Variants in RCC1L observed in about 807,000 individuals in gnomAD.
The protein encoded by RCC1L is RCC1-like G exchanging factor-like protein.
Under a neutral mutation model 58.6 loss-of-function variants are expected in RCC1L, and 46 were observed. The ratio of observed to expected loss-of-function variants is 0.79; its 90% CI spans 0.62 to 1.00. The LOEUF is 1.00. Among genes scored for constraint, RCC1L ranks in the 50% least tolerant of loss-of-function variants. The pLI, the probability that RCC1L is intolerant of heterozygous loss-of-function variation, is 0.00. For synonymous variants in RCC1L, 281 were observed against 262.9 expected (o/e 1.07, Z -0.67); for missense variants, 636 against 623.6 (o/e 1.02, Z -0.21).
At chr7:75,035,076 G>T (rs1805408231) in intron 10 of RCC1L, among the ~76,000 whole-genome samples, 1 of 151,880 alleles carries the variant, frequency 6.6e-6, no homozygotes, top group Admixed American at 6.5e-5. Context: ...TGTCACCCAG[G>T]CTGGAGTGCA....
chr7:75,073,451 A>T lies in RCC1L; in HGVS notation c.287T>A (p.Ile96Asn), dbSNP rs1563082228. 2 of 1,369,552 alleles carry T rather than the reference A, an allele frequency of 1.5e-6. No homozygotes were observed. Among genetic ancestry groups the T allele is most frequent in the Non-Finnish European group, 1.9e-6 (2 of 1,065,690 alleles). 84.8% of individuals were successfully genotyped at this position (1,369,552 alleles called of 1,614,324 possible). A position where few individuals can be genotyped will look rare whatever the true frequency, so the allele number is the denominator to read the frequency against. Residue 96 changes from isoleucine to asparagine, a missense_variant, in exon 1 of 11, where the codon ATC (isoleucine) becomes AAC (asparagine). By Grantham distance (149) the Ile-to-Asn change is moderately radical. Coordinates refer to ENST00000610322, the MANE Select transcript of RCC1L (RefSeq NM_030798.5). ...PRAGARPRRR[I>N]QPVPYRLELD... ...CTCCAGGCGATAGGGCACGGGCTGG[A>T]TCCTGCGGCGCGGTCGGGCGCCGGC...
At chr7:75,033,523 C>T (rs1805362475) in intron 10 of RCC1L, among the ~76,000 whole-genome samples, 2 of 151,850 alleles carry the variant, frequency 1.3e-5, no homozygotes, top group Admixed American at 6.6e-5. Flanking sequence ...GGTGAATCCC[C>T]GTCTCTACTA....
chr7:75,066,691 A>C lies in RCC1L; in HGVS notation c.556T>G (p.Ser186Ala), dbSNP rs782073863. The change falls in exon 3 of 11, where the codon TCT (serine) becomes GCT (alanine). Residue 186 changes from serine (S) to alanine (A), a missense_variant. Transcript: ENST00000610322. ...CCTTCCCTGTCAGTCAACACAAGAG[A>C]GTGAGCTCGGCCGCAGGAGACCTGC... ...VLQVSCGRAHSLVLTDREGVF... is the reference protein window; with the variant it reads ...VLQVSCGRAHALVLTDREGVF... 1.2e-6 allele frequency: 2 copies of C among 1,613,146 alleles called. No individual in the cohort carries two copies. Among genetic ancestry groups the C allele is most frequent in the Non-Finnish European group, 1.7e-6 (2 of 1,179,536 alleles).
At chr7:75,060,732 T>C in intron 6 of RCC1L, among the ~76,000 whole-genome samples, 1 of 151,826 alleles carries the variant, frequency 6.6e-6, no homozygotes, top group East Asian at 1.9e-4. Flanking sequence ...CACCCAGCCT[T>C]CTCTCAGTTC....
intron 1 of RCC1L, among the ~76,000 whole-genome samples, chr7:75,072,626 G>A (rs2115572122): frequency 6.6e-6 from 1 of 152,268 alleles, no homozygotes; most frequent in South Asian, 2.1e-4. Flanking sequence ...CTGACCCGAT[G>A]AGAAAACCGG....
At chr7:75,058,915 G>T in intron 6 of RCC1L, 146 bp from the exon 7 acceptor site, 1 of 921,778 alleles carries the variant, frequency 1.1e-6, no homozygotes, top group Non-Finnish European at 1.7e-6. Context: ...AGTGGCTCAC[G>T]CCTGTAATCC....
At chr7:75,036,195 C>A (rs1012758504) in intron 10 of RCC1L, among the ~76,000 whole-genome samples, 95 of 148,996 alleles carry the variant, frequency 6.4e-4, no homozygotes, top group African/African-American at 2.2e-3. Flanking sequence ...TGGCTCACTG[C>A]AACCTCTGCC....
chr7:75,032,813 T>G (rs1805340691), intron 10 of RCC1L, among the ~76,000 whole-genome samples: 1 of 152,158 alleles, frequency 6.6e-6, no homozygotes. Flanking sequence ...GGCTCACACC[T>G]GTAATCCCAG....
intron 2 of RCC1L, among the ~76,000 whole-genome samples, chr7:75,069,439 C>T (rs1178872370): frequency 6.7e-6 from 1 of 148,380 alleles, no homozygotes; most frequent in African/African-American, 2.5e-5. Flanking sequence ...CTCCAGGCCT[C>T]AAGCAATCCC....
intron 1 of RCC1L, among the ~76,000 whole-genome samples, chr7:75,072,286 C>T (rs1282330018): frequency 6.7e-6 from 1 of 148,470 alleles, no homozygotes; most frequent in Non-Finnish European, 1.5e-5. Context: ...CTTGGCCTCC[C>T]AAAGTGCTGA....
chr7:75,043,126 A>T lies in RCC1L; in HGVS notation c.1318-17T>A. ...CATCGTCACCTGAAAAATAAGATCC[A>T]GCATACCATGGGTGGGGGTGGCGCA... is the stretch of plus-strand genomic sequence containing the variant. On this transcript the variant is annotated splice_polypyrimidine_tract_variant and intron_variant, in intron 10 of 10. Transcript: ENST00000610322. 1 of 1,613,704 alleles carries T rather than the reference A, an allele frequency of 6.2e-7. No homozygotes were observed. The highest frequency in any genetic ancestry group is 8.5e-7 in the Non-Finnish European group (1 of 1,179,636).
At chr7:75,072,151 TATACATATAC>T (rs1191598053) in intron 1 of RCC1L, among the ~76,000 whole-genome samples, 13 of 54,408 alleles carry the variant, frequency 2.4e-4, no homozygotes, top group African/African-American at 6.3e-4. Flanking sequence ...TACATATACA[TATACATATAC>T]ATATATATAT....
intron 6 of RCC1L, among the ~76,000 whole-genome samples, chr7:75,059,423 A>C (rs1355642160): frequency 1.3e-5 from 2 of 151,782 alleles, no homozygotes; most frequent in African/African-American, 4.8e-5. Context: ...GGCACGCACC[A>C]CCACAGCCGG....
At position 75,057,570 on chromosome 7, in the gene RCC1L, C is replaced by T. The variant is rs1435863743; in HGVS notation, c.1016G>A (p.Arg339Gln). 3.7e-5 allele frequency: 60 copies of T among 1,613,814 alleles called. No individual in the cohort carries two copies. Among genetic ancestry groups the T allele is most frequent in the Non-Finnish European group, 4.6e-5 (54 of 1,179,868 alleles). ...GCCCGTGCCACCGCATGCAGCCTGT[C>T]GCACCTTCCCCACTCCTGAGAAGTG... The part of the protein sequence containing the change: ...CLHFSGVGKV[R>Q]QAACGGTGCA... Residue 339 changes from arginine to glutamine, a missense_variant, in exon 8 of 11, where the codon CGA (arginine) becomes CAA (glutamine). Coordinates refer to ENST00000610322, the MANE Select transcript of RCC1L (RefSeq NM_030798.5).
In RCC1L at chr7:75,058,914, C is replaced by G; in HGVS notation, c.788-145G>C. The G allele has an allele frequency of 3.2e-6, 3 of 935,750 alleles. No homozygotes were observed. In the South Asian group the frequency reaches 4.7e-5, roughly 15 times the overall value. 58.0% of individuals were successfully genotyped at this position (935,750 alleles called of 1,614,324 possible). On this transcript the variant is annotated intron_variant, in intron 6 of 10. Transcript: ENST00000610322. The stretch of plus-strand genomic sequence containing the variant: ...GTCTGGGGCTGGGTGCAGTGGCTCA[C>G]GCCTGTAATCCCACCACTTTCAGAG...
chr7:75,031,289 G>A (rs1805296514), intron 10 of RCC1L, among the ~76,000 whole-genome samples: 3 of 152,088 alleles, frequency 2.0e-5, no homozygotes, highest in Admixed American at 1.3e-4. Flanking sequence ...CACCTGGCGT[G>A]CCCGGGTCAC....
Position 75,042,921 on chromosome 7 carries a change from G to T in RCC1L, c.*111C>A. On this transcript the variant is annotated 3_prime_UTR_variant, in exon 11 of 11. Transcript: ENST00000610322. ...GGACAGAGCGTCACACTGCACGCAG[G>T]GTCCTCCGCCACCACCATCCAAGAA... is the stretch of plus-strand genomic sequence containing the variant. 6.4e-7 allele frequency: 1 copy of T among 1,572,708 alleles called. No individual in the cohort carries two copies. The highest frequency in any genetic ancestry group is 8.6e-7 in the Non-Finnish European group (1 of 1,158,070).
intron 6 of RCC1L, among the ~76,000 whole-genome samples, chr7:75,059,687 A>C (rs1806212691): frequency 6.6e-6 from 1 of 152,176 alleles, no homozygotes; most frequent in African/African-American, 2.4e-5. Flanking sequence ...CTTAGATTAC[A>C]GGTGTGAGCC....
At chr7:75,056,780 TAATGCCATCTTCTAATCC>T in intron 8 of RCC1L, 1 of 1,455,528 alleles carries the variant, frequency 6.9e-7, no homozygotes, top group South Asian at 1.2e-5. Flanking sequence ...TCACACCCTG[TAATGCCATCTTCTAATCC>T]AATGCCATCT....
Sources: gnomAD v4.1 joint callset for allele counts (sites outside exome capture counted in the v4.1 genomes callset) on GRCh38, gnomAD v4.1.1 for gene constraint, MANE v1.5 for transcripts, NCBI Gene and HGNC (gene_info 2026-07-23, HGNC 2026-07-21) for gene names.